PCBP3: variants seen among roughly 807,000 people sequenced by gnomAD.
PCBP3 encodes poly(rC) binding protein 3, also known as poly(rC)-binding protein 3.
PCBP3 carries 25 observed loss-of-function variants against 52.7 expected under a neutral mutation model. The observed-to-expected ratio is 0.47, with a 90% CI of 0.35 to 0.66. PCBP3 has a LOEUF of 0.66. PCBP3 is among the 30% of genes least tolerant of loss of function. The pLI is 0.01. For missense variants in PCBP3, 391 were observed against 490.3 expected, an observed-to-expected ratio of 0.80 and a Z score of 1.91; for synonymous variants, 162 against 183.0, an observed-to-expected ratio of 0.89 and a Z score of 0.93.
intron 3 of PCBP3, among the ~76,000 whole-genome samples, chr21:45,743,947 A>G (rs1299615389): frequency 6.6e-6 from 1 of 152,112 alleles, no homozygotes; most frequent in Non-Finnish European, 1.5e-5. Flanking sequence ...TCGTCTATCA[A>G]AGCTGCTAAG....
chr21:45,894,514 G>GA (rs2095771101), intron 5 of PCBP3, among the ~76,000 whole-genome samples: 1 of 152,056 alleles, frequency 6.6e-6, no homozygotes, highest in African/African-American at 2.4e-5. Flanking sequence ...CTTCTCAGGG[G>GA]CCACGCCATG....
In PCBP3 at chr21:45,656,655, T is replaced by A. The variant is rs1368940404; in HGVS notation, c.-278-12219T>A. 1.3e-5 allele frequency among the ~76,000 whole-genome samples: 2 copies of A among 152,156 alleles called. No homozygotes were observed. Among genetic ancestry groups the A allele is most frequent in the South Asian group, 2.1e-4 (1 of 4,822 alleles). On this transcript the variant is annotated intron_variant, in intron 1 of 17. Coordinates refer to ENST00000681687, the MANE Select transcript of PCBP3 (RefSeq NM_001384156.1). This position sits in a 1 kb window ranked among gnomAD's most constrained non-coding sequence, Gnocchi z 4.3. Reference sequence around the variant, plus strand: ...TTAAAGTATAATAAATTAAAAAAAATAGCTGAAAACAAAAACAAAAATAAA... The same window carrying A: ...TTAAAGTATAATAAATTAAAAAAAAAAGCTGAAAACAAAAACAAAAATAAA...
rs2090755638 is a variant in PCBP3 at position 45,782,950 on chromosome 21, G to A, written c.-126+27498G>A. 1.3e-5 allele frequency among the ~76,000 whole-genome samples: 2 copies of A among 152,222 alleles called. 1 individual carries two copies. Among genetic ancestry groups the A allele is most frequent in the South Asian group, 4.1e-4 (2 of 4,832 alleles). Reference sequence around the variant, plus strand: ...ACACGGAGCTTCAGCTTTGCTGACTGATGCCATTCTGGCTTTCTCATGTAG... The same window carrying A: ...ACACGGAGCTTCAGCTTTGCTGACTAATGCCATTCTGGCTTTCTCATGTAG... On this transcript the variant is annotated intron_variant, in intron 4 of 17. Transcript: ENST00000681687.
At chr21:45,887,682 ATGTC>A (rs1303057611) in intron 5 of PCBP3, among the ~76,000 whole-genome samples, 1 of 152,188 alleles carries the variant, frequency 6.6e-6, no homozygotes, top group Non-Finnish European at 1.5e-5. Flanking sequence ...TACTTTTTGA[ATGTC>A]TGTGCCTTTT....
In PCBP3 at chr21:45,718,739, T is replaced by C. The variant is rs1447554161; in HGVS notation, c.-199-16653T>C. ...GTGACAATTTTGCCAGGGTTCTCAT[T>C]GCTTTTATGGAGAGGTAAGCTGTTA... is the stretch of plus-strand genomic sequence containing the variant. On this transcript the variant is annotated intron_variant, in intron 2 of 17. Coordinates refer to ENST00000681687, the MANE Select transcript of PCBP3 (RefSeq NM_001384156.1). Among the ~76,000 whole-genome samples, 4 of 152,210 alleles carry C rather than the reference T, an allele frequency of 2.6e-5. No individual in the cohort carries two copies. The East Asian group carries it at 7.7e-4, about 29-fold the overall frequency.
intron 13 of PCBP3, 138 bp from the exon 14 acceptor site, chr21:45,929,779 T>C (rs2075936449): frequency 1.5e-6 from 1 of 685,090 alleles, no homozygotes; most frequent in Admixed American, 2.2e-5. Flanking sequence ...AGTCCTTGCG[T>C]TCTCTTGCAT....
chr21:45,930,203 GC>G (rs2076005610), intron 14 of PCBP3, among the ~76,000 whole-genome samples: 1 of 152,212 alleles, frequency 6.6e-6, no homozygotes, highest in African/African-American at 2.4e-5. Flanking sequence ...ACTGTTGGGG[GC>G]TGGTTCACCT....
In PCBP3 at chr21:45,914,336, G is replaced by A. The variant is rs559492603; in HGVS notation, c.675+311G>A. Reference sequence around the variant, plus strand: ...TTTAGGAAGCTTAGATAGCCGGCGCGCAGGCGCTTTCTAGGTGATTTTACG... The same window carrying A: ...TTTAGGAAGCTTAGATAGCCGGCGCACAGGCGCTTTCTAGGTGATTTTACG... On this transcript the variant is annotated intron_variant, in intron 12 of 17. Coordinates refer to ENST00000681687, the MANE Select transcript of PCBP3 (RefSeq NM_001384156.1). 73 of 514,474 alleles carry A rather than the reference G, an allele frequency of 1.4e-4. No individual in the cohort carries two copies. The South Asian group carries it at 2.0e-3, about 14-fold the overall frequency. The allele number at this position is 514,474 out of a possible 1,614,324, so 31.9% of individuals were successfully genotyped here.
intron 4 of PCBP3, among the ~76,000 whole-genome samples, chr21:45,841,100 CA>C (rs1311898266): frequency 6.6e-6 from 1 of 152,200 alleles, no homozygotes; most frequent in Non-Finnish European, 1.5e-5. Context: ...TCAGCTCTCT[CA>C]CCTAGGTTTG....
chr21:45,921,441 C>G (rs747280823), intron 13 of PCBP3, among the ~76,000 whole-genome samples: 16 of 152,096 alleles, frequency 1.1e-4, no homozygotes, highest in Non-Finnish European at 2.1e-4. Flanking sequence ...TTATGTAAAA[C>G]TAAAATATGC....
intron 5 of PCBP3, among the ~76,000 whole-genome samples, chr21:45,863,465 A>G (rs2094585046): frequency 6.6e-6 from 1 of 152,142 alleles, no homozygotes; most frequent in Non-Finnish European, 1.5e-5. Context: ...CGGGCTGTTG[A>G]GTCGCCCCTG....
intron 1 of PCBP3, among the ~76,000 whole-genome samples, chr21:45,668,222 A>G (rs2080934554): frequency 6.6e-6 from 1 of 152,148 alleles, no homozygotes; most frequent in Admixed American, 6.6e-5. Context: ...ATTTCCAGAA[A>G]TATACAGTTT....
At chr21:45,697,887 T>C (rs2082880986) in intron 2 of PCBP3, among the ~76,000 whole-genome samples, 4 of 152,158 alleles carry the variant, frequency 2.6e-5, no homozygotes, top group Admixed American at 2.6e-4. Context: ...TCCAGAAGAC[T>C]TCTCCTCTGT....
chr21:45,825,656 T>A (rs1348155512), intron 4 of PCBP3, among the ~76,000 whole-genome samples: 1 of 152,208 alleles, frequency 6.6e-6, no homozygotes, highest in East Asian at 1.9e-4. Flanking sequence ...ATATAGATCA[T>A]TATTTCTTTT....
intron 3 of PCBP3, among the ~76,000 whole-genome samples, chr21:45,747,199 G>C (rs1219338822): frequency 2.0e-5 from 3 of 152,208 alleles, no homozygotes; most frequent in Non-Finnish European, 4.4e-5. Flanking sequence ...CGAGGGAACT[G>C]CCTTTTTATA....
intron 4 of PCBP3, among the ~76,000 whole-genome samples, chr21:45,814,421 AGTGGTGACTGAGTGATGAGTGGTGAGTG>A (rs2092773321): frequency 6.9e-6 from 1 of 145,214 alleles, no homozygotes; most frequent in African/African-American, 2.6e-5. Context: ...GTGAGTGGTG[AGTGGTGACTGAGTGATGAGTGGTGAGTG>A]GTGAGTGGTG....
At chr21:45,852,125 G>GTT (rs1175337672) in intron 5 of PCBP3, among the ~76,000 whole-genome samples, 4 of 152,192 alleles carry the variant, frequency 2.6e-5, no homozygotes, top group Non-Finnish European at 5.9e-5. Context: ...AATCATAAAT[G>GTT]TTTACAGTGA....
At chr21:45,667,481 A>G (rs948859706) in intron 1 of PCBP3, among the ~76,000 whole-genome samples, 1 of 151,850 alleles carries the variant, frequency 6.6e-6, no homozygotes, top group Non-Finnish European at 1.5e-5. Context: ...TGAATGTGCT[A>G]TTTCAATTAT....
At chr21:45,803,914 G>A (rs1426224577) in intron 4 of PCBP3, among the ~76,000 whole-genome samples, 2 of 152,232 alleles carry the variant, frequency 1.3e-5, no homozygotes, top group Non-Finnish European at 2.9e-5. Flanking sequence ...TGTTGTTACT[G>A]TGCTGTATCT....
Sources: allele counts gnomAD v4.1 joint callset (sites outside exome capture counted in the v4.1 genomes callset), GRCh38; gene constraint gnomAD v4.1.1; non-coding constraint Gnocchi (gnomAD v3.1); transcripts MANE v1.5; gene names NCBI Gene and HGNC (gene_info 2026-07-23, HGNC 2026-07-21).